GAREM2: variants seen among roughly 807,000 people sequenced by gnomAD.
GAREM2 encodes GRB2-associated and regulator of MAPK protein 2.
GAREM2 carries 30 observed loss-of-function variants against 55.6 expected under a neutral mutation model. The ratio of observed to expected loss-of-function variants is 0.54; its 90% CI spans 0.40 to 0.73. The LOEUF (loss-of-function observed/expected upper bound fraction) is 0.73, where lower values mean the gene tolerates loss of function less well. GAREM2 is among the 30% of genes least tolerant of loss of function. GAREM2 has a pLI of 0.00. For synonymous variants in GAREM2, 550 were observed against 569.1 expected (o/e 0.97, Z 0.48); for missense variants, 1,075 against 1,257.7 (o/e 0.85, Z 2.20).
downstream of GAREM2, among the ~76,000 whole-genome samples, chr2:26,192,790 T>C (rs1419630643): frequency 6.6e-6 from 1 of 152,112 alleles, no homozygotes; most frequent in African/African-American, 2.4e-5. Flanking sequence ...CTTGTCTCTG[T>C]TGGTCTATTA....
At chr2:26,182,870 A>C in intron 2 of GAREM2, 97 bp from the exon 3 acceptor site, 1 of 1,444,930 alleles carries the variant, frequency 6.9e-7, no homozygotes, top group Admixed American at 2.1e-5. Flanking sequence ...GGGCTGGCCG[A>C]GATTATGGTA....
chr2:26,175,837 A>G (rs918367068), intron 1 of GAREM2, among the ~76,000 whole-genome samples: 1 of 152,146 alleles, frequency 6.6e-6, no homozygotes, highest in Non-Finnish European at 1.5e-5. Flanking sequence ...TGCAGGGCCT[A>G]GGCCCTGACT....
the GAREM2 span, chr2:26,201,257 G>A: frequency 5.4e-5 from 87 of 1,611,948 alleles, no homozygotes; most frequent in East Asian, 1.6e-3. Context: ...GCCCAGTCAA[G>A]TTGCTGAAGA....
chr2:26,177,466 A>G (rs1668898760), intron 2 of GAREM2, among the ~76,000 whole-genome samples: 1 of 152,202 alleles, frequency 6.6e-6, no homozygotes, highest in Non-Finnish European at 1.5e-5. Context: ...CAGGAAACTG[A>G]GGCTCCAGGA....
chr2:26,182,735 G>A (rs575662985), intron 2 of GAREM2, among the ~76,000 whole-genome samples: 50 of 152,176 alleles, frequency 3.3e-4, no homozygotes, highest in African/African-American at 1.1e-3. Flanking sequence ...GCTCTCTATG[G>A]GGGGAGGGCT....
chr2:26,198,611 G>C, the GAREM2 span, among the ~76,000 whole-genome samples: 1 of 151,030 alleles, frequency 6.6e-6, no homozygotes, highest in African/African-American at 2.4e-5. Flanking sequence ...GAAAAGCTGA[G>C]TACAAAATAA....
Position 26,184,793 on chromosome 2 carries a change from C to T in GAREM2, c.945C>T (p.Phe315=). Reference sequence around the variant, plus strand: ...GCGAGGGCCCGGCGCCGCTGCACTTCCTGCTGCTCACGGACACGCCGCGCT... The same window carrying T: ...GCGAGGGCCCGGCGCCGCTGCACTTTCTGCTGCTCACGGACACGCCGCGCT... ...LRREGPAPLH[F]LLLTDTPRFA... The change falls in exon 4 of 6, where the codon TTC becomes TTT. Residue 315 remains phenylalanine, a synonymous_variant. Transcript: ENST00000401533. The T allele has an allele frequency of 6.7e-7, 1 of 1,498,828 alleles. No individual in the cohort carries two copies. The highest frequency in any genetic ancestry group is 8.8e-7 in the Non-Finnish European group (1 of 1,131,188). The allele number at this position is 1,498,828 out of a possible 1,614,324, so 92.8% of individuals were successfully genotyped here.
chr2:26,187,695 C>T lies in GAREM2; in HGVS notation c.2063C>T (p.Ser688Phe), dbSNP rs1237080841. 3 of 1,493,388 alleles carry T rather than the reference C, an allele frequency of 2.0e-6. No individual in the cohort carries two copies. Among genetic ancestry groups the T allele is most frequent in the Non-Finnish European group, 2.7e-6 (3 of 1,118,590 alleles). The allele number at this position is 1,493,388 out of a possible 1,614,324, so 92.5% of individuals were successfully genotyped here. Residue 688 changes from serine to phenylalanine, a missense_variant, in exon 6 of 6, where the codon TCC becomes TTC. Transcript: ENST00000401533. ...CCCTCCTCCTGCGCCCCCTCCTCCT[C>T]CTCTTCTTCTGAATGGCAGGAACCA... ...APPSSCAPSS[S>F]SSSEWQEPVL...
downstream of GAREM2, chr2:26,192,411 C>T: frequency 1.9e-6 from 3 of 1,574,552 alleles, no homozygotes; most frequent in Non-Finnish European, 2.6e-6. Flanking sequence ...AAAAGCCCTT[C>T]CCAGATTTAC....
intron 2 of GAREM2, among the ~76,000 whole-genome samples, chr2:26,177,622 G>C (rs1668903774): frequency 6.6e-6 from 1 of 152,054 alleles, no homozygotes; most frequent in Admixed American, 6.5e-5. Flanking sequence ...GGGATTATAG[G>C]TGTGAGTCAC....
At chr2:26,199,125 T>A in the GAREM2 span, 5 of 152,118 alleles carry the variant, frequency 3.3e-5, no homozygotes, top group African/African-American at 1.2e-4. Flanking sequence ...CTTGAACTCC[T>A]GACCTCGTGA....
At chr2:26,182,489 T>C (rs1669083736) in intron 2 of GAREM2, 1 of 1,550,236 alleles carries the variant, frequency 6.5e-7, no homozygotes, top group Admixed American at 2.0e-5. Flanking sequence ...GGATGCCAGA[T>C]CCAGGTAGGG....
chr2:26,186,070 T>C (rs1158326879), intron 4 of GAREM2, 119 bp from the exon 5 acceptor site: 18 of 1,016,544 alleles, frequency 1.8e-5, no homozygotes, highest in Middle Eastern at 3.2e-4. Flanking sequence ...GGCAGCCTAT[T>C]GGCAAAGTGG....
chr2:26,190,319 A>G (rs1669454125), downstream of GAREM2, among the ~76,000 whole-genome samples: 1 of 150,990 alleles, frequency 6.6e-6, no homozygotes, highest in Admixed American at 6.6e-5. Context: ...TGCCAGACCC[A>G]GTTAGCCCCA....
chr2:26,180,624 T>G (rs1254704907), intron 2 of GAREM2: 2 of 154,102 alleles, frequency 1.3e-5, no homozygotes, highest in African/African-American at 4.8e-5. Context: ...TTTTCTTTTC[T>G]TTTCTTTTTT....
chr2:26,182,537 C>G lies in GAREM2; in HGVS notation c.254-430C>G, dbSNP rs76319342. 4,462 of 1,512,808 alleles carry G rather than the reference C, an allele frequency of 2.9e-3. 112 individuals are homozygous for G. In the African/African-American group the frequency reaches 0.053, roughly 18 times the overall value. 93.7% of individuals were successfully genotyped at this position (1,512,808 alleles called of 1,614,324 possible). ...TGTCCCTACCCCCTCAGATGAGGACCCAGAGGCCCAGAGAGGGAAAGGAAC... is the reference window on the plus strand; with the variant it reads ...TGTCCCTACCCCCTCAGATGAGGACGCAGAGGCCCAGAGAGGGAAAGGAAC... On this transcript the variant is annotated intron_variant, in intron 2 of 5. Transcript: ENST00000401533.
At chr2:26,195,388 T>C in the GAREM2 span, among the ~76,000 whole-genome samples, 1 of 152,054 alleles carries the variant, frequency 6.6e-6, no homozygotes. Flanking sequence ...GGGTCTTTGA[T>C]AAAAGTTTAG....
At chr2:26,186,460 C>T (rs1669262779) in intron 5 of GAREM2, 102 bp downstream of exon 5, 3 of 1,136,720 alleles carry the variant, frequency 2.6e-6, no homozygotes, top group African/African-American at 3.1e-5. Context: ...AGTCTTGAGG[C>T]CTGGGAGATT....
rs374074417 is a variant in GAREM2 at position 26,179,592 on chromosome 2, G to C, written c.253+3108G>C. On this transcript the variant is annotated intron_variant, in intron 2 of 5. Coordinates refer to ENST00000401533, the MANE Select transcript of GAREM2 (RefSeq NM_001168241.2). The surrounding 1 kb of genome is among the most constrained non-coding windows in gnomAD (Gnocchi z 4.7). Reference sequence around the variant, plus strand: ...AGGGCAAGGACAAGGAGGAGGGGCAGGTCAGGATGGAGCAGGTCCTTAGAG... The same window carrying C: ...AGGGCAAGGACAAGGAGGAGGGGCACGTCAGGATGGAGCAGGTCCTTAGAG... 5.9e-5 allele frequency among the ~76,000 whole-genome samples: 9 copies of C among 152,214 alleles called. No individual in the cohort carries two copies. The East Asian group carries it at 1.8e-3, about 30-fold the overall frequency.
Sources: allele counts gnomAD v4.1 joint callset (sites outside exome capture counted in the v4.1 genomes callset), GRCh38; gene constraint gnomAD v4.1.1; non-coding constraint Gnocchi (gnomAD v3.1); transcripts MANE v1.5; gene names NCBI Gene and HGNC (gene_info 2026-07-23, HGNC 2026-07-21).